The following NLGN4Y variants were observed in gnomAD, a reference collection of about 807,000 sequenced individuals.
NLGN4Y encodes neuroligin 4 Y-linked.
Under a neutral mutation model 8.4 loss-of-function variants are expected in NLGN4Y, and 4 were observed. That is an observed-to-expected ratio of 0.48 (90% CI 0.23 to 1.09). The LOEUF (loss-of-function observed/expected upper bound fraction) is 1.09. Among genes scored for constraint, NLGN4Y ranks in the 50% least tolerant of loss-of-function variants. The pLI, the probability that NLGN4Y is intolerant of heterozygous loss-of-function variation, is 0.19. For synonymous variants in NLGN4Y, 35 were observed against 75.6 expected (o/e 0.46, Z 2.78); for missense variants, 90 against 192.3 (o/e 0.47, Z 3.15).
At chrY:14,656,720 GC>G (rs2080654480) in intron 2 of NLGN4Y, among the ~76,000 whole-genome samples, 1 of 24,249 alleles carries the variant, frequency 4.1e-5, no homozygotes, top group South Asian at 8.2e-4. Flanking sequence ...TGTGTATTAA[GC>G]TTTTTTTTTT....
At chrY:14,591,369 T>A (rs2080370948) in intron 1 of NLGN4Y, among the ~76,000 whole-genome samples, 1 of 33,107 alleles carries the variant, frequency 3.0e-5, no homozygotes, top group Non-Finnish European at 7.4e-5. Flanking sequence ...ACTGAGTGGC[T>A]CCCTGTGTTC....
chrY:14,523,851 G>A, upstream of NLGN4Y: 1 of 70,388 alleles, frequency 1.4e-5, no homozygotes. Flanking sequence ...GGTTGGGCTG[G>A]AGAAAGATCG....
chrY:14,651,257 A>G, intron 2 of NLGN4Y, among the ~76,000 whole-genome samples: 1 of 33,195 alleles, frequency 3.0e-5, no homozygotes, highest in African/African-American at 1.2e-4. Context: ...GATGTGTCAA[A>G]GTGTGCAACA....
At chrY:14,734,280 G>T in intron 4 of NLGN4Y, among the ~76,000 whole-genome samples, 2 of 33,604 alleles carry the variant, frequency 6.0e-5, no homozygotes, top group Admixed American at 5.4e-4. Context: ...TCCCTCTGCT[G>T]TTTATGCCTA....
chrY:14,663,809 C>CA (rs2080683776), intron 2 of NLGN4Y, among the ~76,000 whole-genome samples: 2 of 30,900 alleles, frequency 6.5e-5, no homozygotes, highest in East Asian at 8.5e-4. Flanking sequence ...GACTATGTCT[C>CA]AAAAAAAAAG....
At chrY:14,618,928 G>A in intron 1 of NLGN4Y, among the ~76,000 whole-genome samples, 1 of 33,631 alleles carries the variant, frequency 3.0e-5, no homozygotes, top group Admixed American at 2.7e-4. Context: ...TTGCAAATTT[G>A]CTAAATTTCA....
chrY:14,551,236 T>C, intron 1 of NLGN4Y, among the ~76,000 whole-genome samples: 4 of 33,454 alleles, frequency 1.2e-4, no homozygotes, highest in African/African-American at 4.7e-4. Flanking sequence ...CAAGAATAGC[T>C]AACTGTCTTA....
At chrY:14,569,609 T>A (rs745544718) in intron 1 of NLGN4Y, among the ~76,000 whole-genome samples, 1 of 33,361 alleles carries the variant, frequency 3.0e-5, no homozygotes, top group South Asian at 6.7e-4. Context: ...TGTAGAAAAA[T>A]TTATTTTCCT....
chrY:14,811,901 C>T (rs2043081788), intron 4 of NLGN4Y, among the ~76,000 whole-genome samples: 1 of 33,607 alleles, frequency 3.0e-5, no homozygotes, highest in Admixed American at 2.7e-4. Flanking sequence ...TCCTGTTTTA[C>T]GGCACCTTTA....
intron 2 of NLGN4Y, among the ~76,000 whole-genome samples, chrY:14,623,060 A>AT (rs2080516713): frequency 1.2e-4 from 4 of 32,993 alleles, no homozygotes. Flanking sequence ...GAAAAACTTT[A>AT]TTTTTTTTAA....
chrY:14,704,011 T>C, intron 2 of NLGN4Y, among the ~76,000 whole-genome samples: 1 of 33,935 alleles, frequency 2.9e-5, no homozygotes, highest in East Asian at 7.8e-4. Flanking sequence ...ATTGATTTTG[T>C]ATCCTGAGAC....
At chrY:14,790,078 G>A (rs775933699) in intron 4 of NLGN4Y, among the ~76,000 whole-genome samples, 1 of 32,199 alleles carries the variant, frequency 3.1e-5, no homozygotes, top group South Asian at 7.0e-4. Context: ...ACATAACTGG[G>A]CACTGATAAT....
chrY:14,600,467 T>C (rs965403002), intron 1 of NLGN4Y, among the ~76,000 whole-genome samples: 22 of 32,196 alleles, frequency 6.8e-4, no homozygotes, highest in Non-Finnish European at 1.4e-3. Flanking sequence ...TATATATATA[T>C]ACACAGCAGG....
intron 4 of NLGN4Y, among the ~76,000 whole-genome samples, chrY:14,758,858 G>C (rs776351431): frequency 8.0e-4 from 27 of 33,726 alleles, no homozygotes; most frequent in Non-Finnish European, 1.5e-3. Context: ...GTGATCATCA[G>C]TTTTGAAGCT....
intron 1 of NLGN4Y, among the ~76,000 whole-genome samples, chrY:14,547,202 G>T: frequency 5.9e-5 from 2 of 33,754 alleles, no homozygotes; most frequent in Non-Finnish European, 1.5e-4. Flanking sequence ...TGGTGTGAGA[G>T]AATCTCACTT....
At chrY:14,683,853 G>A (rs2080778782) in intron 2 of NLGN4Y, among the ~76,000 whole-genome samples, 1 of 33,829 alleles carries the variant, frequency 3.0e-5, no homozygotes, top group Non-Finnish European at 7.4e-5. Flanking sequence ...GACCATAGAT[G>A]GATTTGCAGT....
intron 1 of NLGN4Y, among the ~76,000 whole-genome samples, chrY:14,589,897 C>T: frequency 2.9e-5 from 1 of 34,603 alleles, no homozygotes; most frequent in African/African-American, 1.1e-4. Context: ...GAGGCTCAGA[C>T]ATGGTGGGCT....
chrY:14,750,837 A>G (rs2081039204), intron 4 of NLGN4Y, among the ~76,000 whole-genome samples: 1 of 33,575 alleles, frequency 3.0e-5, no homozygotes, highest in African/African-American at 1.2e-4. Context: ...ACACATTTCA[A>G]GAAATATAAT....
intron 2 of NLGN4Y, among the ~76,000 whole-genome samples, chrY:14,699,783 G>GA (rs758299230): frequency 1.9e-4 from 6 of 31,474 alleles, no homozygotes; most frequent in African/African-American, 7.4e-4. Context: ...TTTTTTTAAT[G>GA]AAAAAAAAGC....
Sources: gnomAD v4.1 joint callset for allele counts (sites outside exome capture counted in the v4.1 genomes callset) on GRCh38, gnomAD v4.1.1 for gene constraint, MANE v1.5 for transcripts, NCBI Gene and HGNC (gene_info 2026-07-23, HGNC 2026-07-21) for gene names.